KAT6B: variants seen among roughly 807,000 people sequenced by gnomAD.
The protein encoded by KAT6B is histone acetyltransferase KAT6B.
A neutral mutation model predicts 187.5 loss-of-function variants in KAT6B; 10 were observed. The observed-to-expected ratio is 0.05, with a 90% CI of 0.03 to 0.09. KAT6B has a LOEUF of 0.09. Among genes scored for constraint, KAT6B ranks in the 10% least tolerant of loss-of-function variants. KAT6B has a pLI of 1.00. For synonymous variants in KAT6B, 861 were observed against 926.8 expected (o/e 0.93, Z 1.29); for missense variants, 1,952 against 2,558.9 (o/e 0.76, Z 5.12).
At chr10:75,000,151 G>A (rs1477153507) in intron 13 of KAT6B, among the ~76,000 whole-genome samples, 2 of 151,448 alleles carry the variant, frequency 1.3e-5, no homozygotes, top group Non-Finnish European at 2.9e-5. Context: ...CAGCCTGGGC[G>A]ACAGAGCAAG....
chr10:74,976,502 A>G, intron 8 of KAT6B, 172 bp downstream of exon 8: 1 of 660,936 alleles, frequency 1.5e-6, no homozygotes, highest in South Asian at 1.7e-5. Context: ...TCTAATGCTG[A>G]CTAAACCTCC....
intron 3 of KAT6B, among the ~76,000 whole-genome samples, chr10:74,845,877 G>A (rs1842065709): frequency 6.7e-6 from 1 of 148,324 alleles, no homozygotes; most frequent in South Asian, 2.1e-4. Flanking sequence ...ATAGGACCAG[G>A]TGGTTTGCCT....
intron 6 of KAT6B, among the ~76,000 whole-genome samples, chr10:74,970,495 A>G (rs888510950): frequency 1.3e-5 from 2 of 152,088 alleles, no homozygotes; most frequent in African/African-American, 4.8e-5. Context: ...AGTGACTCCA[A>G]AGTCCTACAA....
At chr10:74,876,358 T>TC (rs1844417513) in intron 3 of KAT6B, among the ~76,000 whole-genome samples, 1 of 152,206 alleles carries the variant, frequency 6.6e-6, no homozygotes. Flanking sequence ...TACTTTTTTT[T>TC]CTCACAAAGA....
chr10:74,845,999 G>A (rs1184793135), intron 3 of KAT6B, among the ~76,000 whole-genome samples: 1 of 151,736 alleles, frequency 6.6e-6, no homozygotes, highest in Non-Finnish European at 1.5e-5. Context: ...GAGCAGCTGG[G>A]ACTACAGGTG....
At chr10:74,979,648 A>G (rs1271363778) in intron 10 of KAT6B, among the ~76,000 whole-genome samples, 2 of 151,912 alleles carry the variant, frequency 1.3e-5, no homozygotes, top group African/African-American at 4.8e-5. Flanking sequence ...AAAAAAAAAA[A>G]AGAAATTTGC....
At position 75,025,347 on chromosome 10, in the gene KAT6B, C is replaced by T. The variant is rs527415415; in HGVS notation, c.3664+98C>T. On this transcript the variant is annotated intron_variant, in intron 17 of 17. Transcript: ENST00000287239. ...CTGGCGTGATGCCCAGAGGCACCTG[C>T]GAAGTGGTGCTGATGCACCTGGAGC... The T allele has an allele frequency of 3.2e-5, 39 of 1,227,114 alleles. 1 individual carries two copies. Among genetic ancestry groups the T allele is most frequent in the South Asian group, 2.9e-4 (23 of 79,436 alleles). The allele number at this position is 1,227,114 out of a possible 1,614,324, so 76.0% of individuals were successfully genotyped here.
At chr10:74,828,282 G>A (rs906268878) in intron 1 of KAT6B, among the ~76,000 whole-genome samples, 1 of 152,158 alleles carries the variant, frequency 6.6e-6, no homozygotes, top group Non-Finnish European at 1.5e-5. Context: ...ACAGATGTGG[G>A]AAATAGGAAA....
chr10:74,931,379 T>C (rs947250921), intron 3 of KAT6B, among the ~76,000 whole-genome samples: 6 of 152,090 alleles, frequency 3.9e-5, no homozygotes, highest in African/African-American at 1.2e-4. Context: ...TCTGTCAGTC[T>C]CCGTGTTAAA....
chr10:74,886,205 A>G (rs1845253851), intron 3 of KAT6B, among the ~76,000 whole-genome samples: 2 of 152,340 alleles, frequency 1.3e-5, no homozygotes, highest in African/African-American at 4.8e-5. Context: ...TCTGACAGGC[A>G]AGATTAATTT....
chr10:75,009,157 G>T (rs1406625450), intron 13 of KAT6B, among the ~76,000 whole-genome samples: 2 of 152,164 alleles, frequency 1.3e-5, no homozygotes, highest in Non-Finnish European at 2.9e-5. Flanking sequence ...TTGATTCCTT[G>T]CAATGTAGCA....
chr10:74,915,173 CATA>C (rs1249999271), intron 3 of KAT6B, among the ~76,000 whole-genome samples: 1 of 152,008 alleles, frequency 6.6e-6, no homozygotes, highest in East Asian at 1.9e-4. Flanking sequence ...TGATGATAAT[CATA>C]ATGATACATT....
chr10:74,961,929 GTCT>G (rs1375490792), intron 4 of KAT6B, among the ~76,000 whole-genome samples: 1 of 152,218 alleles, frequency 6.6e-6, no homozygotes, highest in East Asian at 1.9e-4. Context: ...TTGTGAGCCA[GTCT>G]TCAAGTGGAG....
At position 75,014,638 on chromosome 10, in the gene KAT6B, C is replaced by T. The variant is rs534913599; in HGVS notation, c.2630-5944C>T. On this transcript the variant is annotated intron_variant, in intron 13 of 17. Coordinates refer to ENST00000287239, the MANE Select transcript of KAT6B (RefSeq NM_012330.4). ...TACCGATTTAAAGTATAAACCATTG[C>T]TATTCAAGTGTGGTCCATGGCACAG... Among the ~76,000 whole-genome samples the T allele has an allele frequency of 3.9e-5, 6 of 152,272 alleles. No homozygotes were observed. The East Asian group carries it at 1.2e-3, about 29-fold the overall frequency.
intron 3 of KAT6B, among the ~76,000 whole-genome samples, chr10:74,956,543 T>C (rs1795255645): frequency 6.6e-6 from 1 of 152,220 alleles, no homozygotes; most frequent in Non-Finnish European, 1.5e-5. Flanking sequence ...AAGATAATTT[T>C]AGACATTTGT....
chr10:74,970,321 T>C (rs921296635), intron 6 of KAT6B, among the ~76,000 whole-genome samples: 1 of 151,650 alleles, frequency 6.6e-6, no homozygotes, highest in African/African-American at 2.4e-5. Context: ...ATATATAAAA[T>C]AAAGGCTCTA....
In KAT6B at chr10:74,978,811, T is replaced by A. The variant is rs114265136; in HGVS notation, c.2116-413T>A. Among the ~76,000 whole-genome samples the A allele has an allele frequency of 4.5e-3, 692 of 152,340 alleles. 6 individuals carry two copies. The highest frequency in any genetic ancestry group is 0.015 in the African/African-American group (627 of 41,592). On this transcript the variant is annotated intron_variant, in intron 9 of 17. Coordinates refer to ENST00000287239, the MANE Select transcript of KAT6B (RefSeq NM_012330.4). ...CGTGGAGGAATAGGAAACTGTAAGC[T>A]TCTGTAATAAATAAGCCTGTGTAAT... is the stretch of plus-strand genomic sequence containing the variant.
chr10:74,881,813 C>T (rs1311217436), intron 3 of KAT6B, among the ~76,000 whole-genome samples: 1 of 152,112 alleles, frequency 6.6e-6, no homozygotes, highest in African/African-American at 2.4e-5. Flanking sequence ...GTCACTGTGC[C>T]TGGCTAATTT....
chr10:74,938,841 A>G (rs978435862), intron 3 of KAT6B, among the ~76,000 whole-genome samples: 4 of 151,950 alleles, frequency 2.6e-5, no homozygotes, highest in African/African-American at 9.7e-5. Flanking sequence ...GGTTCAAGCA[A>G]TTCTCGTGCC....
Sources: gnomAD v4.1 joint callset for allele counts (sites outside exome capture counted in the v4.1 genomes callset) on GRCh38, gnomAD v4.1.1 for gene constraint, MANE v1.5 for transcripts, NCBI Gene and HGNC (gene_info 2026-07-23, HGNC 2026-07-21) for gene names.